SHQ1: variants seen among roughly 807,000 people sequenced by gnomAD.
The protein encoded by SHQ1 is protein SHQ1 homolog.
Under a neutral mutation model 53.8 loss-of-function variants are expected in SHQ1, and 49 were observed. The observed-to-expected ratio is 0.91, with a 90% CI of 0.72 to 1.16. The LOEUF is 1.16. SHQ1 is among the 50% of genes most tolerant of loss of function. The pLI, the probability that SHQ1 is intolerant of heterozygous loss-of-function variation, is 0.00. For missense variants in SHQ1, 738 were observed against 683.1 expected (o/e 1.08, Z -0.90); for synonymous variants, 243 against 251.0 (o/e 0.97, Z 0.30).
the SHQ1 span, among the ~76,000 whole-genome samples, chr3:72,739,736 A>C: frequency 6.6e-6 from 1 of 152,248 alleles, no homozygotes. Context: ...TAGAATTAGA[A>C]GTGCAATGTC....
chr3:72,827,251 A>G (rs1559692763), intron 5 of SHQ1, among the ~76,000 whole-genome samples: 1 of 152,220 alleles, frequency 6.6e-6, no homozygotes, highest in East Asian at 1.9e-4. Context: ...GCCTTTTTTT[A>G]GGATTTACAA....
the SHQ1 span, among the ~76,000 whole-genome samples, chr3:72,732,957 A>C: frequency 6.6e-6 from 1 of 151,682 alleles, no homozygotes; most frequent in South Asian, 2.1e-4. Context: ...ACCCTCAGAA[A>C]GCCCTGCTGA....
chr3:72,727,390 C>T, the SHQ1 span, among the ~76,000 whole-genome samples: 5 of 152,104 alleles, frequency 3.3e-5, no homozygotes, highest in Non-Finnish European at 5.9e-5. Context: ...AACAACCCTC[C>T]GGAGGTCTAC....
At chr3:72,844,551 T>C in intron 1 of SHQ1, 128 bp from the exon 2 acceptor site, 1 of 769,000 alleles carries the variant, frequency 1.3e-6, no homozygotes, top group Non-Finnish European at 2.3e-6. Flanking sequence ...CAGTATTTCT[T>C]TCACATTTTA....
At position 72,750,308 on chromosome 3, in the gene SHQ1, G is replaced by GTC. The variant is rs774098029; in HGVS notation, c.1708_1709dup (p.Asp570GlufsTer12). 1.5e-4 allele frequency: 249 copies of GTC among 1,610,500 alleles called. No homozygotes were observed. The highest frequency in any genetic ancestry group is 2.0e-4 in the Non-Finnish European group (230 of 1,178,626). ...GTCAATTATTTGGTGTCTGACAGCCGTCTCTCTCCTGAATATTGCTGCGGT... is the reference window on the plus strand; with the variant it reads ...GTCAATTATTTGGTGTCTGACAGCCGTCTCTCTCTCCTGAATATTGCTGCGGT... On this transcript the variant is annotated frameshift_variant, in exon 11 of 11. Coordinates refer to ENST00000325599, the MANE Select transcript of SHQ1 (RefSeq NM_018130.3). LOFTEE classifies it low-confidence loss of function (END_TRUNC).
rs1168438470 is a variant in SHQ1 at position 72,824,515 on chromosome 3, A to G, written c.636T>C (p.Ile212=). The change falls in exon 6 of 11, where the codon ATT becomes ATC. Residue 212 remains isoleucine (I), a synonymous_variant. Transcript: ENST00000325599. The part of the protein sequence containing the change: ...DFFEDEAIEQ[I]LKYNPWWTDK... ...CAGTCCACCAAGGATTATACTTCAA[A>G]ATCTGTTCAATCGCCTCATCTTCAA... 1 of 1,611,660 alleles carries G rather than the reference A, an allele frequency of 6.2e-7. No homozygotes were observed. Among genetic ancestry groups the G allele is most frequent in the South Asian group, 1.1e-5 (1 of 90,410 alleles).
chr3:72,729,844 G>T, the SHQ1 span, among the ~76,000 whole-genome samples: 78 of 152,194 alleles, frequency 5.1e-4, no homozygotes, highest in Admixed American at 1.2e-3. Context: ...TTTTGAGACG[G>T]AGTCTCACTG....
intron 10 of SHQ1, among the ~76,000 whole-genome samples, chr3:72,788,840 G>A (rs958785541): frequency 1.3e-5 from 2 of 152,006 alleles, no homozygotes; most frequent in East Asian, 1.9e-4. Flanking sequence ...GATTAAGGGC[G>A]GTGCAAGATG....
chr3:72,739,787 C>T, the SHQ1 span, among the ~76,000 whole-genome samples: 3 of 152,176 alleles, frequency 2.0e-5, no homozygotes, highest in Non-Finnish European at 4.4e-5. Flanking sequence ...AGGAGTGGGG[C>T]AGGGGGCAGA....
At chr3:72,760,105 A>G (rs1345924571) in intron 10 of SHQ1, among the ~76,000 whole-genome samples, 2 of 152,222 alleles carry the variant, frequency 1.3e-5, no homozygotes, top group Non-Finnish European at 2.9e-5. Context: ...ATTGTTTACT[A>G]TGGTGAGTGG....
At chr3:72,828,843 C>A (rs185746546) in intron 5 of SHQ1, among the ~76,000 whole-genome samples, 1 of 152,012 alleles carries the variant, frequency 6.6e-6, no homozygotes, top group Non-Finnish European at 1.5e-5. Flanking sequence ...CGATGACACA[C>A]AAAGGAGTTA....
At chr3:72,845,551 A>T (rs181209731) in intron 1 of SHQ1, among the ~76,000 whole-genome samples, 1 of 152,122 alleles carries the variant, frequency 6.6e-6, no homozygotes, top group African/African-American at 2.4e-5. Flanking sequence ...TAGTTCAATC[A>T]GTCTTCCACT....
At chr3:72,798,495 A>T (rs934261277) in intron 9 of SHQ1, among the ~76,000 whole-genome samples, 4 of 152,246 alleles carry the variant, frequency 2.6e-5, no homozygotes, top group African/African-American at 9.6e-5. Context: ...GAAAATATGG[A>T]TGACAGTAAT....
In SHQ1 at chr3:72,817,350, T is replaced by C; in HGVS notation, c.762A>G (p.Arg254=). ...SFSEEEKYQL[R]KFVNKSYLLD... is the part of the protein sequence containing the mutation. ...GCAGATAAGATTTATTGACAAATTT[T>C]CGTAGCTGATACTTCTCTTCTTCAG... Residue 254 remains arginine, a synonymous_variant, in exon 7 of 11, where the codon CGA becomes CGG. Coordinates refer to ENST00000325599, the MANE Select transcript of SHQ1 (RefSeq NM_018130.3). 1 of 1,612,796 alleles carries C rather than the reference T, an allele frequency of 6.2e-7. No homozygotes were observed. The highest frequency in any genetic ancestry group is 8.5e-7 in the Non-Finnish European group (1 of 1,179,196).
intron 5 of SHQ1, among the ~76,000 whole-genome samples, chr3:72,829,134 C>G (rs7618979): frequency 2.6e-5 from 4 of 151,898 alleles, no homozygotes; most frequent in African/African-American, 9.7e-5. Context: ...GATGAATCCC[C>G]GCTTTCTAAC....
chr3:72,756,013 C>T lies in SHQ1; in HGVS notation c.1182-5177G>A, dbSNP rs548809940. Among the ~76,000 whole-genome samples, 4 of 152,282 alleles carry T rather than the reference C, an allele frequency of 2.6e-5. No homozygotes were observed. The East Asian group carries it at 7.7e-4, about 29-fold the overall frequency. On this transcript the variant is annotated intron_variant, in intron 10 of 10. Transcript: ENST00000325599. ...TCCTGGGCAAAAGTGATCCTCCCAC[C>T]TCAGCCTCCTGAGTAGCTGGGACTA...
intron 10 of SHQ1, among the ~76,000 whole-genome samples, chr3:72,763,892 T>C (rs1705662335): frequency 6.6e-6 from 1 of 152,106 alleles, no homozygotes; most frequent in African/African-American, 2.4e-5. Context: ...ACCCAGTCTG[T>C]GGTAATTTGT....
chr3:72,765,772 C>T (rs1404646749), intron 10 of SHQ1, among the ~76,000 whole-genome samples: 3 of 151,572 alleles, frequency 2.0e-5, no homozygotes, highest in African/African-American at 7.3e-5. Flanking sequence ...AGGTTGGTCT[C>T]GAACTCCTGA....
At chr3:72,727,477 G>C in the SHQ1 span, among the ~76,000 whole-genome samples, 1 of 152,218 alleles carries the variant, frequency 6.6e-6, no homozygotes, top group Non-Finnish European at 1.5e-5. Context: ...GGGAGGAAGA[G>C]AAAGAGGCAG....
Sources: gnomAD v4.1 joint callset for allele counts (sites outside exome capture counted in the v4.1 genomes callset) on GRCh38, gnomAD v4.1.1 for gene constraint, MANE v1.5 for transcripts, NCBI Gene and HGNC (gene_info 2026-07-23, HGNC 2026-07-21) for gene names.